The following RNF169 variants were observed in gnomAD, a reference collection of about 807,000 sequenced individuals.
The protein encoded by RNF169 is ring finger protein 169.
Under a neutral mutation model 53.9 loss-of-function variants are expected in RNF169, and 24 were observed. That is an observed-to-expected ratio of 0.45 (90% CI 0.32 to 0.63). The LOEUF (loss-of-function observed/expected upper bound fraction) is 0.63, where lower values mean the gene tolerates loss of function less well. RNF169 is among the 20% of genes least tolerant of loss of function. The pLI, the probability that RNF169 is intolerant of heterozygous loss-of-function variation, is 0.04. For synonymous variants in RNF169, 396 were observed against 363.5 expected, an observed-to-expected ratio of 1.09 and a Z score of -1.02; for missense variants, 883 against 906.2, an observed-to-expected ratio of 0.97 and a Z score of 0.33.
chr11:74,749,055 C>G lies in RNF169; in HGVS notation c.175C>G (p.Leu59Val). 7 of 1,469,268 alleles carry G rather than the reference C, an allele frequency of 4.8e-6. No homozygotes were observed. The South Asian group carries it at 7.8e-5, about 16-fold the overall frequency. The allele number at this position is 1,469,268 out of a possible 1,614,324, so 91.0% of individuals were successfully genotyped here. Residue 59 changes from leucine to valine, a missense_variant, in exon 1 of 6, where the codon CTG becomes GTG. Leu to Val is a conservative substitution (Grantham distance 32). Coordinates refer to ENST00000299563, the MANE Select transcript of RNF169 (RefSeq NM_001098638.2). ...VLSPPLLQPP[L>V]PPRPEESGCA... is the part of the protein sequence containing the mutation. ...GTCGCCGCCGTTGCTGCAGCCGCCG[C>G]TGCCGCCGCGGCCGGAGGAATCGGG...
In RNF169 at chr11:74,837,242, T is replaced by C. The variant is rs900581042; in HGVS notation, c.*512T>C. ...TAAATATATCAGTTAAGATTATGCC[T>C]TTACAAAAGTTAATTTACATTCTCT... is the stretch of plus-strand genomic sequence containing the variant. On this transcript the variant is annotated 3_prime_UTR_variant, in exon 6 of 6. Coordinates refer to ENST00000299563, the MANE Select transcript of RNF169 (RefSeq NM_001098638.2). 8 of 153,084 alleles carry C rather than the reference T, an allele frequency of 5.2e-5. No homozygotes were observed. The highest frequency in any genetic ancestry group is 1.9e-4 in the African/African-American group (8 of 41,476). The allele number at this position is 153,084 out of a possible 1,614,324, so 9.5% of individuals were successfully genotyped here.
At chr11:74,794,566 A>G (rs898343914) in intron 2 of RNF169, among the ~76,000 whole-genome samples, 3 of 152,206 alleles carry the variant, frequency 2.0e-5, no homozygotes, top group African/African-American at 7.2e-5. Context: ...GGATATCACA[A>G]AGTTTAGGGT....
intron 1 of RNF169, among the ~76,000 whole-genome samples, chr11:74,779,522 G>A (rs976292747): frequency 4.6e-5 from 7 of 152,018 alleles, no homozygotes; most frequent in African/African-American, 1.7e-4. Flanking sequence ...TAAGACAGTC[G>A]GTACTTGGCT....
At chr11:74,800,476 T>C (rs1022463519) in intron 2 of RNF169, among the ~76,000 whole-genome samples, 7 of 152,334 alleles carry the variant, frequency 4.6e-5, no homozygotes, top group Admixed American at 2.0e-4. Context: ...TGTGTGAATT[T>C]GGGCGAGCTA....
At position 74,838,790 on chromosome 11, in the gene RNF169, G is replaced by T. The variant is rs1292556566; in HGVS notation, c.*2060G>T. On this transcript the variant is annotated 3_prime_UTR_variant, in exon 6 of 6. Transcript: ENST00000299563. ...AGCTGGCTCTGGTTTACAGAAGACA[G>T]GGAGGGTGACCTTACTATAAATGCC... is the stretch of plus-strand genomic sequence containing the variant. The T allele has an allele frequency of 1.3e-5, 2 of 152,202 alleles. No individual in the cohort carries two copies. Among genetic ancestry groups the T allele is most frequent in the East Asian group, 3.8e-4 (2 of 5,200 alleles). The allele number at this position is 152,202 out of a possible 1,614,324, so 9.4% of individuals were successfully genotyped here.
chr11:74,804,729 C>G (rs1296850285), intron 2 of RNF169, among the ~76,000 whole-genome samples: 1 of 152,066 alleles, frequency 6.6e-6, no homozygotes, highest in East Asian at 1.9e-4. Flanking sequence ...ACCAGTTAGC[C>G]TGTGGTAAAA....
chr11:74,809,202 TA>T (rs1208063165), intron 2 of RNF169, among the ~76,000 whole-genome samples: 7 of 152,182 alleles, frequency 4.6e-5, no homozygotes. Flanking sequence ...TTCTTAAGAA[TA>T]ATTAAAAATA....
At chr11:74,758,451 T>A (rs113061223) in intron 1 of RNF169, among the ~76,000 whole-genome samples, 3,450 of 151,394 alleles carry the variant, frequency 0.023, 140 homozygotes, top group African/African-American at 0.079. Context: ...CAGCTTTGTT[T>A]TTTTGGCTTA....
At chr11:74,796,978 G>A (rs2035658176) in intron 2 of RNF169, among the ~76,000 whole-genome samples, 1 of 152,316 alleles carries the variant, frequency 6.6e-6, no homozygotes, top group Non-Finnish European at 1.5e-5. Context: ...TCAGCTGGCT[G>A]AGTAGGTGGG....
chr11:74,776,699 C>T (rs1660181381), intron 1 of RNF169, among the ~76,000 whole-genome samples: 1 of 152,088 alleles, frequency 6.6e-6, no homozygotes, highest in South Asian at 2.1e-4. Flanking sequence ...TAATGTAATT[C>T]TCTCTGGGTT....
intron 4 of RNF169, among the ~76,000 whole-genome samples, chr11:74,823,377 A>T (rs537672027): frequency 1.3e-5 from 2 of 152,342 alleles, no homozygotes; most frequent in African/African-American, 4.8e-5. Flanking sequence ...AGCCAACATC[A>T]ACTTTATTGG....
rs539482936 is a variant in RNF169 at position 74,836,701 on chromosome 11, C to T, written c.2098C>T (p.Arg700Trp). 42 of 1,611,840 alleles carry T rather than the reference C, an allele frequency of 2.6e-5. No homozygotes were observed. The highest frequency in any genetic ancestry group is 1.7e-4 in the Middle Eastern group (1 of 6,060). The change falls in exon 6 of 6, where the codon CGG becomes TGG. Residue 700 changes from arginine to tryptophan, a missense_variant. This residue lies in a region of RNF169 where 351 missense variants were observed against 337.3 expected (regional missense o/e 1.04). Transcript: ENST00000299563. ...RKGSVDQYLLRSSNMAGAK is the reference protein window; with the variant it reads ...RKGSVDQYLLWSSNMAGAK Reference sequence around the variant, plus strand: ...AGGAAGTGTGGATCAGTATCTCCTACGGTCCAGCAACATGGCCGGGGCCAA... The same window carrying T: ...AGGAAGTGTGGATCAGTATCTCCTATGGTCCAGCAACATGGCCGGGGCCAA...
At chr11:74,819,429 C>G (rs1372899852) in intron 4 of RNF169, among the ~76,000 whole-genome samples, 1 of 152,198 alleles carries the variant, frequency 6.6e-6, no homozygotes, top group Non-Finnish European at 1.5e-5. Flanking sequence ...CTTATAGATC[C>G]TCATGCTGCC....
rs1270849610 is a variant in RNF169, at chr11:74,835,578, C to T, written c.975C>T (p.Ile325=). ...CTATGACTCCAGCCTCCAACCCCAT[C>T]ATTGGTGTCCTCTTGTCAACTCAAA... is the stretch of plus-strand genomic sequence containing the variant. ...VTTMTPASNP[I]IGVLLSTQNN... Residue 325 remains isoleucine, a synonymous_variant, in exon 6 of 6, where the codon ATC becomes ATT. Transcript: ENST00000299563. 6.2e-7 allele frequency: 1 copy of T among 1,614,166 alleles called. No homozygotes were observed. Among genetic ancestry groups the T allele is most frequent in the Admixed American group, 1.7e-5 (1 of 60,032 alleles).
chr11:74,784,255 T>C (rs943099984), intron 1 of RNF169, among the ~76,000 whole-genome samples: 1 of 152,230 alleles, frequency 6.6e-6, no homozygotes, highest in Non-Finnish European at 1.5e-5. Context: ...AGAAGTTATC[T>C]GATGTGTTGC....
rs2036310939 is a variant in RNF169 at position 74,839,445 on chromosome 11, A to C, written c.*2715A>C. ...AAGTTGGTTAAAAGTCGATATGTTG[A>C]TGTGTATTATTTGGGGGAACAGAAA... On this transcript the variant is annotated 3_prime_UTR_variant, in exon 6 of 6. Transcript: ENST00000299563. The C allele has an allele frequency of 6.6e-6, 1 of 152,168 alleles. No homozygotes were observed. Among genetic ancestry groups the C allele is most frequent in the Admixed American group, 6.5e-5 (1 of 15,276 alleles). The allele number at this position is 152,168 out of a possible 1,614,324, so 9.4% of individuals were successfully genotyped here.
intron 2 of RNF169, among the ~76,000 whole-genome samples, chr11:74,797,927 CCTGTCTTTA>C: frequency 6.6e-6 from 1 of 152,298 alleles, no homozygotes; most frequent in South Asian, 2.1e-4. Context: ...ATTTCTTATG[CCTGTCTTTA>C]CTGCAATCTC....
intron 1 of RNF169, among the ~76,000 whole-genome samples, chr11:74,776,584 C>T (rs1333771515): frequency 5.4e-5 from 8 of 147,690 alleles, no homozygotes; most frequent in Non-Finnish European, 1.2e-4. Flanking sequence ...TCATCCCTAA[C>T]TTCAAGTTAG....
In RNF169 at chr11:74,838,984, A is replaced by G. The variant is rs890235411; in HGVS notation, c.*2254A>G. On this transcript the variant is annotated 3_prime_UTR_variant, in exon 6 of 6. Coordinates refer to ENST00000299563, the MANE Select transcript of RNF169 (RefSeq NM_001098638.2). ...GAAAAACACTTTTCAGTTGGAATTG[A>G]TTTTTGTCTTTGGTAAAAAGAAATA... is the stretch of plus-strand genomic sequence containing the variant. 6.6e-6 allele frequency: 1 copy of G among 152,174 alleles called. No individual in the cohort carries two copies. Among genetic ancestry groups the G allele is most frequent in the Non-Finnish European group, 1.5e-5 (1 of 68,028 alleles). The allele number at this position is 152,174 out of a possible 1,614,324, so 9.4% of individuals were successfully genotyped here.
Sources: allele counts gnomAD v4.1 joint callset (sites outside exome capture counted in the v4.1 genomes callset), GRCh38; gene constraint gnomAD v4.1.1; regional missense constraint gnomAD v4.1.1; transcripts MANE v1.5; gene names NCBI Gene and HGNC (gene_info 2026-07-23, HGNC 2026-07-21).